HMGXB3: variants seen among roughly 807,000 people sequenced by gnomAD.
The protein encoded by HMGXB3 is HMG domain-containing protein 3.
HMGXB3 carries 45 observed loss-of-function variants against 121.5 expected under a neutral mutation model. That is an observed-to-expected ratio of 0.37 (90% CI 0.29 to 0.47). HMGXB3 has a LOEUF of 0.47. HMGXB3 is among the 20% of genes least tolerant of loss of function. HMGXB3 has a pLI of 0.99. For synonymous variants in HMGXB3, 590 were observed against 624.1 expected (o/e 0.95, Z 0.81); for missense variants, 1,376 against 1,602.2 (o/e 0.86, Z 2.41).
chr5:150,040,963 A>G (rs766819206), intron 14 of HMGXB3, 84 bp downstream of exon 14: 7 of 1,245,670 alleles, frequency 5.6e-6, no homozygotes, highest in Middle Eastern at 2.2e-4. Context: ...TAAAAGACTC[A>G]TTTTGAAGAA....
chr5:150,037,647 G>A, intron 13 of HMGXB3, 120 bp downstream of exon 13: 3 of 829,990 alleles, frequency 3.6e-6, no homozygotes, highest in Non-Finnish European at 4.9e-6. Context: ...TCTGAGGAAG[G>A]GGGAGTCTTC....
rs138554775 is a variant in HMGXB3, at chr5:150,025,262, C to G, written c.1460+582C>G. Among the ~76,000 whole-genome samples, 133 of 152,306 alleles carry G rather than the reference C, an allele frequency of 8.7e-4. 1 individual carries two copies. The highest frequency in any genetic ancestry group is 1.7e-3 in the Non-Finnish European group (114 of 68,036). On this transcript the variant is annotated intron_variant, in intron 7 of 19. Transcript: ENST00000502717. ...GAGGAAGTCACTATCTTTTTCTCCC[C>G]TTTTCCTCCTTAAATGCTTAATTGG...
At chr5:150,051,663 A>G in intron 19 of HMGXB3, 62 bp from the exon 20 acceptor site, 2 of 1,319,356 alleles carry the variant, frequency 1.5e-6, no homozygotes, top group African/African-American at 1.5e-5. Flanking sequence ...TGTTCTCGTC[A>G]CCAGATGGGT....
rs572960537 is a variant in HMGXB3 at position 150,040,256 on chromosome 5, T to TA, written c.2414-483dup. 1.5e-3 allele frequency among the ~76,000 whole-genome samples: 225 copies of TA among 151,700 alleles called. 2 individuals are homozygous for TA. In the South Asian group the frequency reaches 0.036, roughly 24 times the overall value. On this transcript the variant is annotated intron_variant, in intron 13 of 19. Coordinates refer to ENST00000502717, the MANE Select transcript of HMGXB3 (RefSeq NM_014983.3). ...CAGAACAGTTAGATCTACTTCTTTT[T>TA]AAAAAAAAATGGATTCCATGTTGGA...
intron 1 of HMGXB3, 123 bp from the exon 2 acceptor site, chr5:150,004,728 T>C (rs999107460): frequency 5.2e-5 from 31 of 597,182 alleles, no homozygotes; most frequent in African/African-American, 4.9e-4. Context: ...TTAGGATATA[T>C]TGGGTTTGGG....
intron 9 of HMGXB3, among the ~76,000 whole-genome samples, chr5:150,029,170 T>C (rs1756314911): frequency 1.3e-5 from 2 of 152,158 alleles, no homozygotes; most frequent in African/African-American, 2.4e-5. Context: ...TTTTTAAAAA[T>C]CAGAAACTTG....
chr5:150,001,364 G>A (rs1056877184), intron 1 of HMGXB3, among the ~76,000 whole-genome samples, 185 bp downstream of exon 1: 1 of 152,194 alleles, frequency 6.6e-6, no homozygotes, highest in Non-Finnish European at 1.5e-5. Flanking sequence ...ACTTTGTCTG[G>A]TTTGGCTCTT....
intron 9 of HMGXB3, among the ~76,000 whole-genome samples, chr5:150,028,771 A>G (rs772853475): frequency 6.0e-5 from 9 of 151,042 alleles, no homozygotes; most frequent in Non-Finnish European, 1.2e-4. Context: ...GTCTCTTGCT[A>G]TGTTGCCCAG....
chr5:150,046,101 C>T (rs1051067355), intron 16 of HMGXB3, among the ~76,000 whole-genome samples: 9 of 152,178 alleles, frequency 5.9e-5, no homozygotes, highest in Admixed American at 3.3e-4. Flanking sequence ...CCTGGACTAG[C>T]GGGTAAGAGG....
chr5:150,051,306 C>A (rs149926507), intron 19 of HMGXB3, among the ~76,000 whole-genome samples: 1 of 152,182 alleles, frequency 6.6e-6, no homozygotes. Flanking sequence ...GGTTGAGTGC[C>A]CCAGCCAGGA....
rs1341336332 is a variant in HMGXB3 at position 150,018,692 on chromosome 5, C to G, written c.1036C>G (p.Pro346Ala). Residue 346 changes from proline to alanine, a missense_variant, in exon 6 of 20, where the codon CCA (proline) becomes GCA (alanine). This residue lies in a region of HMGXB3 where 1,116 missense variants were observed against 1,369.0 expected (regional missense o/e 0.82). Coordinates refer to ENST00000502717, the MANE Select transcript of HMGXB3 (RefSeq NM_014983.3). ...CGNFLGGKWI[P>A]KEKPAKVKVE... ...TAACTTCCTAGGAGGGAAGTGGATCCCAAAGGTAAGGTCCATTGGCTGTTG... is the reference window on the plus strand; with the variant it reads ...TAACTTCCTAGGAGGGAAGTGGATCGCAAAGGTAAGGTCCATTGGCTGTTG... 1.3e-6 allele frequency: 2 copies of G among 1,550,102 alleles called. No individual in the cohort carries two copies. Among genetic ancestry groups the G allele is most frequent in the East Asian group, 4.9e-5 (2 of 40,878 alleles).
At chr5:150,008,095 AC>A (rs1755750181) in intron 3 of HMGXB3, among the ~76,000 whole-genome samples, 2 of 144,226 alleles carry the variant, frequency 1.4e-5, no homozygotes, top group African/African-American at 2.5e-5. Flanking sequence ...ACACACACAC[AC>A]ACAAATCAGC....
intron 19 of HMGXB3, 46 bp from the exon 20 acceptor site, chr5:150,051,679 C>G: frequency 7.1e-7 from 1 of 1,414,712 alleles, no homozygotes; most frequent in Non-Finnish European, 9.5e-7. Context: ...TGGGTTCCAC[C>G]TTAGTCATTC....
chr5:150,026,663 C>T (rs1387957285), intron 7 of HMGXB3, 43 bp from the exon 8 acceptor site: 14 of 1,521,936 alleles, frequency 9.2e-6, no homozygotes, highest in Non-Finnish European at 1.2e-5. Context: ...GTTTTCTTCC[C>T]TTTGTTCCAG....
chr5:150,009,856 A>G (rs1755788189), intron 3 of HMGXB3, among the ~76,000 whole-genome samples: 1 of 152,182 alleles, frequency 6.6e-6, no homozygotes, highest in Admixed American at 6.5e-5. Context: ...TGCTCTTTCC[A>G]GAGTTCAGTC....
At position 150,010,309 on chromosome 5, in the gene HMGXB3, ACAGTGCCCAGCCATGCAGGCATGGCAGAG is replaced by A; in HGVS notation, c.519_547del (p.Ser174GlyfsTer7). 6.4e-7 allele frequency: 1 copy of A among 1,551,734 alleles called. No individual in the cohort carries two copies. The highest frequency in any genetic ancestry group is 8.7e-7 in the Non-Finnish European group (1 of 1,147,012). On this transcript the variant is annotated frameshift_variant, in exon 4 of 20. Coordinates refer to ENST00000502717, the MANE Select transcript of HMGXB3 (RefSeq NM_014983.3). ...TCTTGTGTCCAACACTGCCCCGGAGACAGTGCCCAGCCATGCAGGCATGGCAGAGCAGTGCCTGGCTGTGGAGGCCCTGG... is the reference window on the plus strand; with the variant it reads ...TCTTGTGTCCAACACTGCCCCGGAGACAGTGCCTGGCTGTGGAGGCCCTGG...
intron 6 of HMGXB3, among the ~76,000 whole-genome samples, chr5:150,020,654 GTC>G (rs2113737277): frequency 6.6e-6 from 1 of 151,236 alleles, no homozygotes; most frequent in East Asian, 1.9e-4. Context: ...CAAATTCTTG[GTC>G]TCAAGTGATC....
At chr5:150,018,348 G>T (rs770661418) in intron 5 of HMGXB3, among the ~76,000 whole-genome samples, 2 of 152,204 alleles carry the variant, frequency 1.3e-5, no homozygotes, top group Non-Finnish European at 2.9e-5. Context: ...TAACTGTAAT[G>T]TTGGGCAATT....
At chr5:150,038,316 A>T (rs1756545778) in intron 13 of HMGXB3, among the ~76,000 whole-genome samples, 1 of 152,278 alleles carries the variant, frequency 6.6e-6, no homozygotes, top group South Asian at 2.1e-4. Context: ...TTTATTTTGA[A>T]TTCATGTTTT....
Sources: allele counts gnomAD v4.1 joint callset (sites outside exome capture counted in the v4.1 genomes callset), GRCh38; gene constraint gnomAD v4.1.1; regional missense constraint gnomAD v4.1.1; transcripts MANE v1.5; gene names NCBI Gene and HGNC (gene_info 2026-07-23, HGNC 2026-07-21).